The following PPP1R12A variants were observed in gnomAD, a reference collection of about 807,000 sequenced individuals.
The protein encoded by PPP1R12A is myosin binding subunit.
PPP1R12A carries 19 observed loss-of-function variants against 139.6 expected under a neutral mutation model. The ratio of observed to expected loss-of-function variants is 0.14; its 90% CI spans 0.09 to 0.20. The LOEUF (loss-of-function observed/expected upper bound fraction) is 0.20. PPP1R12A is among the 10% of genes least tolerant of loss of function. PPP1R12A has a pLI of 1.00. For synonymous variants in PPP1R12A, 427 were observed against 420.6 expected (o/e 1.02, Z -0.19); for missense variants, 925 against 1,211.5 (o/e 0.76, Z 3.51).
chr12:79,817,931 T>C (rs1029430351), intron 8 of PPP1R12A, among the ~76,000 whole-genome samples: 2 of 152,234 alleles, frequency 1.3e-5, no homozygotes, highest in African/African-American at 4.8e-5. Flanking sequence ...TCCTCTTTAA[T>C]CAAGGAAATC....
intron 1 of PPP1R12A, among the ~76,000 whole-genome samples, chr12:79,880,716 G>T (rs1328098650): frequency 6.6e-6 from 1 of 151,924 alleles, no homozygotes; most frequent in Non-Finnish European, 1.5e-5. Context: ...AAGAGGAAAG[G>T]GCCTGAGCTA....
intron 1 of PPP1R12A, among the ~76,000 whole-genome samples, chr12:79,933,409 A>T (rs1490422089): frequency 6.6e-6 from 1 of 152,236 alleles, no homozygotes; most frequent in African/African-American, 2.4e-5. Flanking sequence ...AAAGGCATCA[A>T]GTTAATATTC....
rs778752440 is a variant in PPP1R12A, at chr12:79,805,792, C to T, written c.1824-24G>A. 9 of 1,584,290 alleles carry T rather than the reference C, an allele frequency of 5.7e-6. No individual in the cohort carries two copies. In the South Asian group the frequency reaches 1.0e-4, roughly 18 times the overall value. On this transcript the variant is annotated intron_variant, in intron 13 of 24. Coordinates refer to ENST00000450142, the MANE Select transcript of PPP1R12A (RefSeq NM_002480.3). ...TACTATAGCATCATAAGCAGCAACA[C>T]AAAAAAGAGAAAAGGAAAACAGCTA...
At chr12:79,899,212 A>G (rs954287493) in intron 1 of PPP1R12A, among the ~76,000 whole-genome samples, 1 of 147,254 alleles carries the variant, frequency 6.8e-6, no homozygotes, top group Non-Finnish European at 1.5e-5. Context: ...TTTAGATACA[A>G]TGAAATGCAG....
At chr12:79,776,495 CT>C (rs1179062308) in intron 24 of PPP1R12A, among the ~76,000 whole-genome samples, 18 of 152,084 alleles carry the variant, frequency 1.2e-4, no homozygotes, top group Admixed American at 5.9e-4. Flanking sequence ...ATTAAAATTC[CT>C]TAAACGATTC....
At chr12:79,846,227 T>A (rs1879373510) in intron 2 of PPP1R12A, among the ~76,000 whole-genome samples, 3 of 152,240 alleles carry the variant, frequency 2.0e-5, no homozygotes, top group African/African-American at 7.2e-5. Context: ...CATTCCAATA[T>A]AATTGGCTTC....
chr12:79,916,258 T>C (rs1445020455), intron 1 of PPP1R12A, among the ~76,000 whole-genome samples: 1 of 152,188 alleles, frequency 6.6e-6, no homozygotes, highest in African/African-American at 2.4e-5. Context: ...CTATTCTTGT[T>C]CTGGTTTATA....
intron 14 of PPP1R12A, among the ~76,000 whole-genome samples, chr12:79,800,733 CT>C (rs34522404): frequency 0.058 from 7,982 of 137,046 alleles, 324 homozygotes; most frequent in East Asian, 0.28. Flanking sequence ...TCAAATGCTA[CT>C]TTTTTTTTTT....
At chr12:79,831,973 T>C (rs1877486417) in intron 4 of PPP1R12A, among the ~76,000 whole-genome samples, 1 of 152,182 alleles carries the variant, frequency 6.6e-6, no homozygotes, top group South Asian at 2.1e-4. Context: ...AAACTGATGG[T>C]ATGTTCACAG....
chr12:79,817,272 T>TA lies in PPP1R12A; in HGVS notation c.1239+121dup, dbSNP rs1168085860. ...ACTGAGAAACATAAATACATATTTATATTCTGAAATCTTACATATTTTTGG... is the reference window on the plus strand; with the variant it reads ...ACTGAGAAACATAAATACATATTTATAATTCTGAAATCTTACATATTTTTGG... On this transcript the variant is annotated intron_variant, in intron 9 of 24. Transcript: ENST00000450142. 3 of 881,948 alleles carry TA rather than the reference T, an allele frequency of 3.4e-6. No homozygotes were observed. In the African/African-American group the frequency reaches 5.1e-5, roughly 15 times the overall value. The allele number at this position is 881,948 out of a possible 1,614,324, so 54.6% of individuals were successfully genotyped here. A position where few individuals can be genotyped will look rare whatever the true frequency, so the allele number is the denominator to read the frequency against.
chr12:79,865,679 C>A (rs752281292), intron 2 of PPP1R12A, among the ~76,000 whole-genome samples: 3 of 152,096 alleles, frequency 2.0e-5, no homozygotes, highest in African/African-American at 4.8e-5. Context: ...CCAAAACAGA[C>A]AAACAGAGAG....
intron 1 of PPP1R12A, 21 bp downstream of exon 1, chr12:79,934,674 C>A (rs1397388074): frequency 1.8e-5 from 27 of 1,505,074 alleles, no homozygotes; most frequent in Non-Finnish European, 2.4e-5. Context: ...GTCAGGAGAG[C>A]CGGCGGCGGG....
Position 79,778,597 on chromosome 12 carries a change from G to A in PPP1R12A, c.2959C>T (p.Arg987Ter). The change falls in exon 24 of 25, where the codon CGA becomes TGA. Residue 987 changes from arginine to a stop codon, truncating the protein, a stop_gained. Transcript: ENST00000450142. LOFTEE classifies it high-confidence loss of function. ...GATATTCTTCTTTCTAGAGCTCTTCGTTCCTAGATCGATTTAAGGTACCAA... is the reference window on the plus strand; with the variant it reads ...GATATTCTTCTTTCTAGAGCTCTTCATTCCTAGATCGATTTAAGGTACCAA... ...RSLLEMEKRE[R>*]RALERRISEM... 2 of 1,522,020 alleles carry A rather than the reference G, an allele frequency of 1.3e-6. No homozygotes were observed. Among genetic ancestry groups the A allele is most frequent in the Admixed American group, 2.0e-5 (1 of 50,174 alleles). 94.3% of individuals were successfully genotyped at this position (1,522,020 alleles called of 1,614,324 possible).
intron 2 of PPP1R12A, among the ~76,000 whole-genome samples, chr12:79,867,943 C>T (rs1882159836): frequency 6.6e-6 from 1 of 152,172 alleles, no homozygotes; most frequent in African/African-American, 2.4e-5. Flanking sequence ...CCCTGTGGAA[C>T]TGTGAGTCAA....
intron 24 of PPP1R12A, chr12:79,778,344 T>C: frequency 2.8e-6 from 1 of 358,214 alleles, no homozygotes; most frequent in Non-Finnish European, 5.0e-6. Context: ...GCTCCTTCTT[T>C]TCATAGGTGT....
intron 14 of PPP1R12A, among the ~76,000 whole-genome samples, chr12:79,802,184 A>G (rs1873268242): frequency 6.6e-6 from 1 of 152,180 alleles, no homozygotes; most frequent in Non-Finnish European, 1.5e-5. Context: ...AAAATATTGA[A>G]AGGTCTGTGA....
intron 8 of PPP1R12A, 138 bp downstream of exon 8, chr12:79,820,636 T>G (rs1875987106): frequency 2.5e-6 from 2 of 813,802 alleles, no homozygotes; most frequent in Non-Finnish European, 3.9e-6. Context: ...TAGCATTCAC[T>G]GAAAGATAAT....
chr12:79,923,261 G>A (rs980570449), intron 1 of PPP1R12A, among the ~76,000 whole-genome samples: 2 of 152,164 alleles, frequency 1.3e-5, no homozygotes, highest in African/African-American at 4.8e-5. Flanking sequence ...GCTGCTGAGG[G>A]AGACTTCGTC....
Position 79,838,451 on chromosome 12 carries a change from T to C in PPP1R12A, c.488-5960A>G, listed in dbSNP as rs191027330. ...TAAGTAACGAGTAACCAAATGTTAA[T>C]TGCCAAGACAAAGGGGAAAAGGTCC... On this transcript the variant is annotated intron_variant, in intron 3 of 24. Coordinates refer to ENST00000450142, the MANE Select transcript of PPP1R12A (RefSeq NM_002480.3). Among the ~76,000 whole-genome samples, 5 of 152,334 alleles carry C rather than the reference T, an allele frequency of 3.3e-5. No homozygotes were observed. In the East Asian group the frequency reaches 9.6e-4, roughly 29 times the overall value.
Sources: allele counts gnomAD v4.1 joint callset (sites outside exome capture counted in the v4.1 genomes callset), GRCh38; gene constraint gnomAD v4.1.1; transcripts MANE v1.5; gene names NCBI Gene and HGNC (gene_info 2026-07-23, HGNC 2026-07-21).